ANO4: variants seen among roughly 807,000 people sequenced by gnomAD.
ANO4 encodes anoctamin-4.
A neutral mutation model predicts 141.9 loss-of-function variants in ANO4; 69 were observed. The observed-to-expected ratio is 0.49, with a 90% CI of 0.40 to 0.59. ANO4 has a LOEUF of 0.59. Among genes scored for constraint, ANO4 ranks in the 20% least tolerant of loss-of-function variants. ANO4 has a pLI of 0.00. For missense variants in ANO4, 894 were observed against 1,162.2 expected (o/e 0.77, Z 3.36); for synonymous variants, 350 against 394.3 (o/e 0.89, Z 1.33).
intron 11 of ANO4, among the ~76,000 whole-genome samples, chr12:101,041,604 A>G (rs930516171): frequency 1.3e-5 from 2 of 152,218 alleles, no homozygotes; most frequent in Non-Finnish European, 2.9e-5. Context: ...TACTATTGGC[A>G]AAGCCAAACA....
chr12:101,037,972 C>T (rs577623409), intron 10 of ANO4, among the ~76,000 whole-genome samples: 3 of 152,228 alleles, frequency 2.0e-5, no homozygotes, highest in East Asian at 3.9e-4. Flanking sequence ...CTTTGGAAGA[C>T]GGTTCCAACT....
chr12:101,067,089 C>T, intron 14 of ANO4: 1 of 400,566 alleles, frequency 2.5e-6, no homozygotes, highest in South Asian at 3.7e-5. Context: ...TTCTGCCTTG[C>T]TATTCATTTA....
chr12:100,948,149 T>C (rs1429057642), intron 5 of ANO4, among the ~76,000 whole-genome samples: 2 of 41,962 alleles, frequency 4.8e-5, no homozygotes, highest in African/African-American at 1.1e-4. Flanking sequence ...AGACTTCGTC[T>C]CAAAAAAAAA....
intron 3 of ANO4, among the ~76,000 whole-genome samples, chr12:100,928,790 T>A (rs991476699): frequency 1.3e-4 from 19 of 150,330 alleles, no homozygotes; most frequent in African/African-American, 4.8e-4. Context: ...GGTGTTCACC[T>A]TTTTTTTACA....
At chr12:101,106,559 ATGTG>A (rs570692866) in intron 22 of ANO4, among the ~76,000 whole-genome samples, 2 of 134,436 alleles carry the variant, frequency 1.5e-5, no homozygotes, top group Non-Finnish European at 3.1e-5. Flanking sequence ...ATGGATATTC[ATGTG>A]TGTGTGTGTG....
chr12:100,962,467 A>G (rs2043465839), intron 5 of ANO4, among the ~76,000 whole-genome samples: 2 of 152,170 alleles, frequency 1.3e-5, no homozygotes, highest in Admixed American at 1.3e-4. Flanking sequence ...CAAGCAACCT[A>G]TGTTTATGCT....
chr12:100,910,856 T>G (rs566304719), intron 2 of ANO4, among the ~76,000 whole-genome samples: 6 of 152,316 alleles, frequency 3.9e-5, no homozygotes, highest in African/African-American at 1.4e-4. Context: ...CGATATGTGT[T>G]ATTCCCAAGT....
intron 1 of ANO4, among the ~76,000 whole-genome samples, chr12:100,854,529 A>G (rs1015341310): frequency 6.6e-6 from 1 of 152,040 alleles, no homozygotes; most frequent in East Asian, 1.9e-4. Flanking sequence ...TTCTTAATGA[A>G]TCTTTCATAT....
intron 1 of ANO4, among the ~76,000 whole-genome samples, chr12:100,876,970 C>CA (rs753455975): frequency 2.6e-5 from 4 of 152,062 alleles, no homozygotes; most frequent in Admixed American, 1.3e-4. Flanking sequence ...TCATTTGTGA[C>CA]AAAATGGATG....
At chr12:101,068,153 C>T (rs1158305100) in intron 14 of ANO4, 4 of 841,796 alleles carry the variant, frequency 4.8e-6, no homozygotes, top group Non-Finnish European at 6.5e-6. Flanking sequence ...TAAGAAAAAA[C>T]AGGAGTTGAC....
exon 3 of ANO4, chr12:100,739,937 G>C (rs1216177609): frequency 1.4e-6 from 1 of 702,566 alleles, no homozygotes; most frequent in Admixed American, 2.0e-5. Flanking sequence ...CCTCCCATCA[G>C]ATCTGCCTCT....
At chr12:100,743,034 A>G (rs898258659) in intron 3 of ANO4, among the ~76,000 whole-genome samples, 1 of 151,550 alleles carries the variant, frequency 6.6e-6, no homozygotes, top group East Asian at 1.9e-4. Context: ...TCCAATATAC[A>G]CTAAGTTACC....
intron 8 of ANO4, among the ~76,000 whole-genome samples, chr12:101,009,461 T>C (rs1162107165): frequency 1.3e-5 from 2 of 152,152 alleles, no homozygotes; most frequent in Non-Finnish European, 2.9e-5. Flanking sequence ...CTGCACTCAT[T>C]ATGATAGTTG....
intron 11 of ANO4, among the ~76,000 whole-genome samples, chr12:101,041,918 T>C (rs573186236): frequency 6.6e-6 from 1 of 152,270 alleles, no homozygotes; most frequent in East Asian, 1.9e-4. Flanking sequence ...CTAGGGAATG[T>C]CATCTCTTAG....
rs59678820 is a variant in ANO4 at position 101,029,907 on chromosome 12, TAAAAA to T, written c.842-7177_842-7173del. ...CCTCGTGAAAGAGCAAGTCTCCGTC[TAAAAA>T]AAAAAAAAAAGAGCTAACTATTCTA... On this transcript the variant is annotated intron_variant, in intron 9 of 27. Coordinates refer to ENST00000392977, the MANE Select transcript of ANO4 (RefSeq NM_001286615.2). Among the ~76,000 whole-genome samples the T allele has an allele frequency of 5.2e-5, 5 of 96,210 alleles. No homozygotes were observed. In the East Asian group the frequency reaches 1.3e-3, roughly 25 times the overall value. The allele number at this position is 96,210 out of a possible 152,430, so 63.1% of individuals were successfully genotyped here.
At chr12:100,898,207 A>G (rs1421854230) in intron 1 of ANO4, among the ~76,000 whole-genome samples, 1 of 151,602 alleles carries the variant, frequency 6.6e-6, no homozygotes, top group African/African-American at 2.4e-5. Flanking sequence ...AGTGTCAACA[A>G]TTTTTTTTTA....
chr12:100,724,476 A>C (rs2031016301), intron 1 of ANO4, among the ~76,000 whole-genome samples: 1 of 152,202 alleles, frequency 6.6e-6, no homozygotes, highest in African/African-American at 2.4e-5. Flanking sequence ...TTACTACTTC[A>C]ACTAGTATCT....
chr12:101,110,357 A>G (rs775810580), intron 22 of ANO4, 47 bp from the exon 23 acceptor site: 9 of 1,521,980 alleles, frequency 5.9e-6, no homozygotes, highest in Non-Finnish European at 7.9e-6. Flanking sequence ...TGAAAATAGT[A>G]ATGGAAAACC....
chr12:100,823,092 G>T (rs1203463635), intron 1 of ANO4, among the ~76,000 whole-genome samples: 1 of 151,956 alleles, frequency 6.6e-6, no homozygotes, highest in East Asian at 1.9e-4. Flanking sequence ...CACAAAAGTT[G>T]TTTTATGCTG....
Sources: gnomAD v4.1 joint callset for allele counts (sites outside exome capture counted in the v4.1 genomes callset) on GRCh38, gnomAD v4.1.1 for gene constraint, MANE v1.5 for transcripts, NCBI Gene and HGNC (gene_info 2026-07-23, HGNC 2026-07-21) for gene names.